COL26A1: variants seen among roughly 807,000 people sequenced by gnomAD.
COL26A1 encodes collagen type XXVI alpha 1 chain.
In COL26A1, 41 loss-of-function variants were observed where a neutral mutation model predicts 59.3. That is an observed-to-expected ratio of 0.69 (90% CI 0.54 to 0.90). The LOEUF (loss-of-function observed/expected upper bound fraction) is 0.90, where lower values mean the gene tolerates loss of function less well. Ranked by LOEUF, COL26A1 falls within the 40% of genes least tolerant of loss-of-function variation. The pLI is 0.00. For missense variants in COL26A1, 612 were observed against 602.3 expected (o/e 1.02, Z -0.17); for synonymous variants, 266 against 256.0 (o/e 1.04, Z -0.37).
intron 5 of COL26A1, among the ~76,000 whole-genome samples, chr7:101,543,199 T>C (rs985965754): frequency 6.6e-6 from 1 of 151,722 alleles, no homozygotes; most frequent in African/African-American, 2.4e-5. Flanking sequence ...TGAGACGGTC[T>C]CGCTCTGTAA....
At chr7:101,395,301 G>A (rs1468799412) in intron 1 of COL26A1, among the ~76,000 whole-genome samples, 3 of 152,228 alleles carry the variant, frequency 2.0e-5, no homozygotes, top group Non-Finnish European at 4.4e-5. Flanking sequence ...ACCACAGACT[G>A]ATTAAAAGAA....
chr7:101,387,770 A>ATTTTTTTTTTTT (rs1304839639), intron 1 of COL26A1, among the ~76,000 whole-genome samples: 21 of 36,532 alleles, frequency 5.7e-4, no homozygotes, highest in South Asian at 1.3e-3. Context: ...ATATATATAT[A>ATTTTTTTTTTTT]TATATATATT....
At chr7:101,419,461 C>G (rs1384554068) in intron 1 of COL26A1, among the ~76,000 whole-genome samples, 1 of 152,068 alleles carries the variant, frequency 6.6e-6, no homozygotes, top group East Asian at 1.9e-4. Context: ...TGGTCTCTCT[C>G]CGCTCTGTGC....
intron 3 of COL26A1, among the ~76,000 whole-genome samples, chr7:101,457,048 C>A (rs1793489603): frequency 6.6e-6 from 1 of 152,100 alleles, no homozygotes; most frequent in Non-Finnish European, 1.5e-5. Flanking sequence ...TCCTTGAAGG[C>A]TTGAAGGTTA....
At position 101,483,035 on chromosome 7, in the gene COL26A1, C is replaced by T. The variant is rs58026387; in HGVS notation, c.385+35248C>T. Among the ~76,000 whole-genome samples the T allele has an allele frequency of 3.6e-3, 550 of 152,172 alleles. 3 individuals carry two copies. Among genetic ancestry groups the T allele is most frequent in the African/African-American group, 0.012 (495 of 41,516 alleles). ...CAGCTGTGGGATGCCTGGGAAGTTG[C>T]GTGTGGATCTTTTACGGCCTCAACC... is the stretch of plus-strand genomic sequence containing the variant. On this transcript the variant is annotated intron_variant, in intron 3 of 12. Transcript: ENST00000313669.
At chr7:101,386,890 C>T (rs752286003) in intron 1 of COL26A1, among the ~76,000 whole-genome samples, 1 of 152,158 alleles carries the variant, frequency 6.6e-6, no homozygotes, top group Non-Finnish European at 1.5e-5. Context: ...AAGTTGTCTG[C>T]CTGCTAGGCC....
chr7:101,419,833 G>A (rs1792468067), intron 1 of COL26A1, 144 bp from the exon 2 acceptor site: 1 of 760,018 alleles, frequency 1.3e-6, no homozygotes, highest in Non-Finnish European at 2.1e-6. Context: ...CCGAGACAGA[G>A]GGTCTCAGTG....
At chr7:101,551,237 G>GTTTGGGGGGGGGC in intron 10 of COL26A1, 94 bp downstream of exon 10, 1 of 386,366 alleles carries the variant, frequency 2.6e-6, no homozygotes, top group East Asian at 5.8e-5. Flanking sequence ...TGGTGGGGGG[G>GTTTGGGGGGGGGC]TTCAGCCCTG....
chr7:101,477,145 C>T (rs921070995), intron 3 of COL26A1, among the ~76,000 whole-genome samples: 2 of 152,034 alleles, frequency 1.3e-5, no homozygotes, highest in Non-Finnish European at 2.9e-5. Context: ...AGCCCGGCCT[C>T]TGGTTACTTT....
intron 1 of COL26A1, among the ~76,000 whole-genome samples, chr7:101,418,002 G>A (rs756770523): frequency 6.6e-6 from 1 of 152,060 alleles, no homozygotes; most frequent in Non-Finnish European, 1.5e-5. Context: ...TGGGATTACA[G>A]GCATGAGTCA....
intron 3 of COL26A1, among the ~76,000 whole-genome samples, chr7:101,455,510 T>C (rs1793449251): frequency 6.8e-6 from 1 of 146,788 alleles, no homozygotes; most frequent in Admixed American, 6.8e-5. Context: ...TTTCTTTTTT[T>C]TTTTTTTTTT....
chr7:101,365,255 A>T (rs1791015966), intron 1 of COL26A1, among the ~76,000 whole-genome samples: 1 of 152,040 alleles, frequency 6.6e-6, no homozygotes. Context: ...TATATACAGC[A>T]CGATTTCATT....
At chr7:101,547,366 G>A (rs1197039223) in intron 8 of COL26A1, 127 bp downstream of exon 8, 1 of 588,196 alleles carries the variant, frequency 1.7e-6, no homozygotes, top group Non-Finnish European at 3.0e-6. Flanking sequence ...GCTGGGGACT[G>A]GGTCTGTCCC....
chr7:101,396,138 G>T (rs1394192622), intron 1 of COL26A1, among the ~76,000 whole-genome samples: 1 of 151,940 alleles, frequency 6.6e-6, no homozygotes, highest in Non-Finnish European at 1.5e-5. Flanking sequence ...GTGGTGGTGA[G>T]TGCCTATAGT....
intron 2 of COL26A1, among the ~76,000 whole-genome samples, chr7:101,446,427 G>T (rs151338268): frequency 1.8e-4 from 28 of 152,260 alleles, no homozygotes; most frequent in Admixed American, 5.9e-4. Context: ...TTCCATCCAC[G>T]TTTAGATCAC....
chr7:101,420,084 G>A lies in COL26A1; in HGVS notation c.266G>A (p.Cys89Tyr), dbSNP rs751160124. 6.2e-7 allele frequency: 1 copy of A among 1,613,306 alleles called. No homozygotes were observed. The highest frequency in any genetic ancestry group is 8.5e-7 in the Non-Finnish European group (1 of 1,179,888). The change falls in exon 2 of 13, where the codon TGC becomes TAC. Residue 89 changes from cysteine (C) to tyrosine (Y), a missense_variant. Coordinates refer to ENST00000313669, the MANE Select transcript of COL26A1 (RefSeq NM_001278563.3). ...VYQSCRWPGP[C>Y]ANLVSYRTLI... ...CAGAGCTGCCGGTGGCCGGGGCCCT[G>A]CGCCAACCTCGTAAGGTAAAGGCCG...
At chr7:101,525,681 A>T (rs989100843) in intron 3 of COL26A1, among the ~76,000 whole-genome samples, 1 of 150,786 alleles carries the variant, frequency 6.6e-6, no homozygotes, top group Non-Finnish European at 1.5e-5. Context: ...TATTTTTAGT[A>T]GAGACGGGGT....
chr7:101,370,428 TG>T (rs951675005), intron 1 of COL26A1, among the ~76,000 whole-genome samples: 37 of 152,276 alleles, frequency 2.4e-4, no homozygotes, highest in African/African-American at 7.9e-4. Context: ...TGGAGTGCAG[TG>T]GCACGATCTT....
At chr7:101,408,361 A>G (rs779463667) in intron 1 of COL26A1, among the ~76,000 whole-genome samples, 1 of 152,202 alleles carries the variant, frequency 6.6e-6, no homozygotes, top group Non-Finnish European at 1.5e-5. Context: ...GGATATGTCC[A>G]GGCTTTTCAA....
Sources: allele counts gnomAD v4.1 joint callset (sites outside exome capture counted in the v4.1 genomes callset), GRCh38; gene constraint gnomAD v4.1.1; transcripts MANE v1.5; gene names NCBI Gene and HGNC (gene_info 2026-07-23, HGNC 2026-07-21).